LRCH1: variants seen among roughly 807,000 people sequenced by gnomAD.
The protein encoded by LRCH1 is leucine-rich repeat and calponin homology domain-containing protein 1.
LRCH1 carries 23 observed loss-of-function variants against 94.9 expected under a neutral mutation model. The observed-to-expected ratio is 0.24, with a 90% CI of 0.17 to 0.34. LRCH1 has a LOEUF of 0.34. Ranked by LOEUF, LRCH1 falls within the 10% of genes least tolerant of loss-of-function variation. The pLI is 1.00. For synonymous variants in LRCH1, 364 were observed against 354.9 expected (o/e 1.03, Z -0.29); for missense variants, 790 against 945.9 (o/e 0.84, Z 2.16).
At chr13:46,689,045 A>T (rs1379120415) in intron 6 of LRCH1, 88 bp from the exon 7 acceptor site, 1 of 1,050,398 alleles carries the variant, frequency 9.5e-7, no homozygotes, top group Admixed American at 2.1e-5. Context: ...CAAAATTATT[A>T]TTAGAATATA....
At chr13:46,574,849 T>C (rs1157846748) in intron 1 of LRCH1, among the ~76,000 whole-genome samples, 1 of 124,802 alleles carries the variant, frequency 8.0e-6, no homozygotes, top group African/African-American at 3.2e-5. Context: ...TTTTTTTTGG[T>C]GTATGGGCTA....
chr13:46,611,759 G>A (rs1463275080), intron 1 of LRCH1, among the ~76,000 whole-genome samples: 1 of 152,020 alleles, frequency 6.6e-6, no homozygotes, highest in Non-Finnish European at 1.5e-5. Flanking sequence ...AATATTTTTG[G>A]TACATTAGGT....
intron 1 of LRCH1, among the ~76,000 whole-genome samples, chr13:46,586,992 T>C (rs558095642): frequency 6.6e-6 from 1 of 152,336 alleles, no homozygotes; most frequent in East Asian, 1.9e-4. Context: ...GGCCGTTAAA[T>C]GACCTCAGGA....
At position 46,669,096 on chromosome 13, in the gene LRCH1, T is replaced by A. The variant is rs565925799; in HGVS notation, c.519T>A (p.Ser173Arg). 4 of 1,614,206 alleles carry A rather than the reference T, an allele frequency of 2.5e-6. No homozygotes were observed. The East Asian group carries it at 8.9e-5, about 36-fold the overall frequency. Residue 173 changes from serine (S) to arginine (R), a missense_variant, in exon 3 of 20, where the codon AGT (serine) becomes AGA (arginine). Physicochemically the swap from Ser to Arg is moderately radical, Grantham distance 110. Coordinates refer to ENST00000389797, the MANE Select transcript of LRCH1 (RefSeq NM_001164211.2). ...TGCCTCTCAAAGTCTTAATCGCAAG[T>A]AACAACAAACTTGGATCATTACCAG... The part of the protein sequence containing the change: ...CGLPLKVLIA[S>R]NNKLGSLPEE...
At chr13:46,581,665 GA>G (rs1468984207) in intron 1 of LRCH1, among the ~76,000 whole-genome samples, 2 of 152,162 alleles carry the variant, frequency 1.3e-5, no homozygotes, top group Admixed American at 1.3e-4. Flanking sequence ...ATCAGGGGTT[GA>G]ACCCAAGCAG....
At chr13:46,657,196 CAA>C (rs2051380059) in intron 2 of LRCH1, among the ~76,000 whole-genome samples, 2 of 151,748 alleles carry the variant, frequency 1.3e-5, no homozygotes, top group South Asian at 4.2e-4. Flanking sequence ...ATTTTGTTTA[CAA>C]TATATATATT....
intron 1 of LRCH1, among the ~76,000 whole-genome samples, chr13:46,601,984 T>G (rs1360725874): frequency 6.6e-6 from 1 of 152,244 alleles, no homozygotes; most frequent in Admixed American, 6.5e-5. Context: ...ACCTGAATGT[T>G]TTTATGTCTA....
In LRCH1 at chr13:46,743,957, C is replaced by G; in HGVS notation, c.*2109C>G. ...GTGTCATTAATTTGTCTGTACTCTG[C>G]TGCGCTGCACTTCTTGGGATTTATT... is the stretch of plus-strand genomic sequence containing the variant. On this transcript the variant is annotated 3_prime_UTR_variant, in exon 20 of 20. Coordinates refer to ENST00000389797, the MANE Select transcript of LRCH1 (RefSeq NM_001164211.2). 1.0e-6 allele frequency: 1 copy of G among 985,374 alleles called. No individual in the cohort carries two copies. Among genetic ancestry groups the G allele is most frequent in the Non-Finnish European group, 1.2e-6 (1 of 829,920 alleles). 61.0% of individuals were successfully genotyped at this position (985,374 alleles called of 1,614,324 possible).
At chr13:46,684,753 C>T (rs1870519305) in intron 4 of LRCH1, among the ~76,000 whole-genome samples, 1 of 152,162 alleles carries the variant, frequency 6.6e-6, no homozygotes, top group Admixed American at 6.5e-5. Flanking sequence ...ATCCCTTATC[C>T]TGCCAGAGGG....
chr13:46,616,780 T>A (rs543021970), intron 1 of LRCH1, among the ~76,000 whole-genome samples: 27 of 150,694 alleles, frequency 1.8e-4, no homozygotes, highest in East Asian at 7.8e-4. Context: ...ACCTGGGTGC[T>A]GGTGGGCTGA....
At position 46,573,866 on chromosome 13, in the gene LRCH1, A is replaced by ATTTT. The variant is rs540821255; in HGVS notation, c.307+20174_307+20177dup. On this transcript the variant is annotated intron_variant, in intron 1 of 19. Transcript: ENST00000389797. ...GTCAAATATATATATATATATATAT[A>ATTTT]TTTTTTTTTTTTTTGAGATGGAGTC... Among the ~76,000 whole-genome samples the ATTTT allele has an allele frequency of 6.3e-3, 397 of 62,894 alleles. 2 individuals carry two copies. Among genetic ancestry groups the ATTTT allele is most frequent in the East Asian group, 0.015 (23 of 1,516 alleles). 41.3% of individuals were successfully genotyped at this position (62,894 alleles called of 152,430 possible).
chr13:46,688,418 T>C (rs2138154558), intron 6 of LRCH1, among the ~76,000 whole-genome samples: 1 of 152,366 alleles, frequency 6.6e-6, no homozygotes, highest in Middle Eastern at 3.4e-3. Flanking sequence ...ATTTTTGGTC[T>C]TTTAAAAATG....
At chr13:46,695,888 C>T (rs2147162) in intron 9 of LRCH1, among the ~76,000 whole-genome samples, 1 of 152,078 alleles carries the variant, frequency 6.6e-6, no homozygotes, top group Non-Finnish European at 1.5e-5. Context: ...AGGAGACCTT[C>T]GTGTGCTCAG....
In LRCH1 at chr13:46,581,010, C is replaced by T. The variant is rs534259910; in HGVS notation, c.307+27307C>T. Among the ~76,000 whole-genome samples the T allele has an allele frequency of 9.8e-4, 149 of 152,318 alleles. 1 individual carries two copies. Among genetic ancestry groups the T allele is most frequent in the African/African-American group, 3.4e-3 (141 of 41,562 alleles). On this transcript the variant is annotated intron_variant, in intron 1 of 19. Coordinates refer to ENST00000389797, the MANE Select transcript of LRCH1 (RefSeq NM_001164211.2). ...ATTTGAAGTGTGTAGCTGAAACTTA[C>T]TCTTTGTTAATGGATGTATCACTGG...
downstream of LRCH1, among the ~76,000 whole-genome samples, chr13:46,745,613 A>G (rs185920929): frequency 4.7e-4 from 71 of 152,264 alleles, 1 homozygote; most frequent in Middle Eastern, 3.4e-3. Flanking sequence ...GCAACAAGAA[A>G]TCTCTGTAAG....
Position 46,651,703 on chromosome 13 carries a change from C to CTT in LRCH1, c.452+1372_452+1373dup, listed in dbSNP as rs58584317. Reference sequence around the variant, plus strand: ...TTTAAGTTGCATTTCTGTAGAAGTGCTTTTTTTTTTTTTTTGATATGCAGT... The same window carrying CTT: ...TTTAAGTTGCATTTCTGTAGAAGTGCTTTTTTTTTTTTTTTTTGATATGCAGT... On this transcript the variant is annotated intron_variant, in intron 2 of 19. Coordinates refer to ENST00000389797, the MANE Select transcript of LRCH1 (RefSeq NM_001164211.2). Among the ~76,000 whole-genome samples, 306 of 127,140 alleles carry CTT rather than the reference C, an allele frequency of 2.4e-3. 1 individual carries two copies. Among genetic ancestry groups the CTT allele is most frequent in the Admixed American group, 6.2e-3 (77 of 12,436 alleles). The allele number at this position is 127,140 out of a possible 152,430, so 83.4% of individuals were successfully genotyped here.
At chr13:46,607,985 A>T (rs1192833128) in intron 1 of LRCH1, among the ~76,000 whole-genome samples, 1 of 152,032 alleles carries the variant, frequency 6.6e-6, no homozygotes, top group Admixed American at 6.6e-5. Flanking sequence ...GCCACAGGAG[A>T]TATGAGTTTG....
intron 1 of LRCH1, among the ~76,000 whole-genome samples, chr13:46,620,117 GTA>G (rs2050863863): frequency 6.6e-6 from 1 of 152,156 alleles, no homozygotes; most frequent in East Asian, 1.9e-4. Context: ...GTAGGAAAAG[GTA>G]TAGAGTCCAA....
chr13:46,573,109 TATC>T lies in LRCH1; in HGVS notation c.307+19409_307+19411del, dbSNP rs972016608. Among the ~76,000 whole-genome samples, 78 of 152,330 alleles carry T rather than the reference TATC, an allele frequency of 5.1e-4. 1 individual carries two copies. The highest frequency in any genetic ancestry group is 1.8e-3 in the African/African-American group (76 of 41,576). ...GAGACATTCAATACATGTTAACTCT[TATC>T]ATTTGTTTTCTGACTTATTCATTTG... is the stretch of plus-strand genomic sequence containing the variant. On this transcript the variant is annotated intron_variant, in intron 1 of 19. Transcript: ENST00000389797.
Sources: gnomAD v4.1 joint callset for allele counts (sites outside exome capture counted in the v4.1 genomes callset) on GRCh38, gnomAD v4.1.1 for gene constraint, MANE v1.5 for transcripts, NCBI Gene and HGNC (gene_info 2026-07-23, HGNC 2026-07-21) for gene names.